Variants in RASA1 observed in about 807,000 individuals in gnomAD.
RASA1 encodes RAS p21 protein activator 1.
A neutral mutation model predicts 132.2 loss-of-function variants in RASA1; 25 were observed. The ratio of observed to expected loss-of-function variants is 0.19; its 90% CI spans 0.14 to 0.26. RASA1 has a LOEUF of 0.26. RASA1 is among the 10% of genes least tolerant of loss of function. The probability of loss-of-function intolerance (pLI) is 1.00; values close to 1 mark genes in which losing one functional copy is unlikely to be tolerated. For missense variants in RASA1, 964 were observed against 1,299.2 expected (o/e 0.74, Z 3.97); for synonymous variants, 477 against 449.9 (o/e 1.06, Z -0.76).
intron 9 of RASA1, among the ~76,000 whole-genome samples, chr5:87,357,521 C>A (rs924339742): frequency 6.6e-6 from 1 of 151,936 alleles, no homozygotes; most frequent in African/African-American, 2.4e-5. Flanking sequence ...CTGGCTAACA[C>A]GGTGAAACCC....
intron 1 of RASA1, among the ~76,000 whole-genome samples, chr5:87,283,115 TCA>T (rs1754390066): frequency 6.7e-6 from 1 of 150,318 alleles, no homozygotes; most frequent in African/African-American, 2.4e-5. Flanking sequence ...CAACATTTCC[TCA>T]CCTATCTAGT....
chr5:87,365,642 T>A (rs1265180518), intron 11 of RASA1, among the ~76,000 whole-genome samples: 1 of 152,076 alleles, frequency 6.6e-6, no homozygotes, highest in Non-Finnish European at 1.5e-5. Context: ...TGTTAATTTT[T>A]CCCACCATAA....
At chr5:87,367,627 A>G (rs1006440103) in intron 11 of RASA1, among the ~76,000 whole-genome samples, 10 of 152,194 alleles carry the variant, frequency 6.6e-5, no homozygotes, top group Admixed American at 1.3e-4. Flanking sequence ...CATTACTTAG[A>G]AAGATGTCTT....
Position 87,383,853 on chromosome 5 carries a change from T to C in RASA1, c.2758+73T>C, listed in dbSNP as rs559548917. The C allele has an allele frequency of 1.7e-5, 22 of 1,273,860 alleles. No homozygotes were observed. The Admixed American group carries it at 3.6e-4, about 21-fold the overall frequency. The allele number at this position is 1,273,860 out of a possible 1,614,324, so 78.9% of individuals were successfully genotyped here. ...AGTTTCATACTATTTAAGAATACTC[T>C]TAAATCTTTTTTTTTTTTTTGATCA... On this transcript the variant is annotated intron_variant, in intron 21 of 24. Transcript: ENST00000274376.
At position 87,374,826 on chromosome 5, in the gene RASA1, C is replaced by G. The variant is rs749192205; in HGVS notation, c.1935-14C>G. 3 of 1,607,672 alleles carry G rather than the reference C, an allele frequency of 1.9e-6. No homozygotes were observed. Among genetic ancestry groups the G allele is most frequent in the Non-Finnish European group, 8.5e-7 (1 of 1,176,620 alleles). ...AAAACATTTTGTTAATTCTTTTTCT[C>G]CTTGCTCCTTTAGTGATCTTCCTCC... On this transcript the variant is annotated splice_polypyrimidine_tract_variant and intron_variant, in intron 14 of 24. Transcript: ENST00000274376.
At position 87,311,137 on chromosome 5, in the gene RASA1, A is replaced by G. The variant is rs535212661; in HGVS notation, c.540-20211A>G. On this transcript the variant is annotated intron_variant, in intron 1 of 24. Coordinates refer to ENST00000274376, the MANE Select transcript of RASA1 (RefSeq NM_002890.3). ...TATTGAGTCGATATCTGAACTAGCC[A>G]CTTCTTTTATGACACATTAGTTTTA... 1.4e-3 allele frequency among the ~76,000 whole-genome samples: 220 copies of G among 152,296 alleles called. 2 individuals are homozygous for G. Among genetic ancestry groups the G allele is most frequent in the African/African-American group, 5.1e-3 (210 of 41,562 alleles).
intron 9 of RASA1, among the ~76,000 whole-genome samples, chr5:87,362,151 A>G (rs940302411): frequency 2.6e-5 from 4 of 152,216 alleles, no homozygotes; most frequent in African/African-American, 7.2e-5. Flanking sequence ...CACAGACACA[A>G]TTGTGCATAG....
intron 18 of RASA1, 99 bp downstream of exon 18, chr5:87,378,637 T>C (rs1310828800): frequency 7.9e-7 from 1 of 1,272,162 alleles, no homozygotes; most frequent in Non-Finnish European, 1.1e-6. Flanking sequence ...ATATTAAATT[T>C]CTAAAATTAT....
chr5:87,323,926 T>C (rs1757018521), intron 1 of RASA1, among the ~76,000 whole-genome samples: 1 of 152,200 alleles, frequency 6.6e-6, no homozygotes, highest in African/African-American at 2.4e-5. Context: ...CTATACCAGA[T>C]TACAGTTGCT....
intron 9 of RASA1, among the ~76,000 whole-genome samples, chr5:87,354,088 A>G (rs1398706088): frequency 6.6e-6 from 1 of 151,992 alleles, no homozygotes; most frequent in African/African-American, 2.4e-5. Flanking sequence ...TCCTCCTAAC[A>G]AATTCATTTC....
chr5:87,349,628 A>C (rs1413319454), intron 8 of RASA1, among the ~76,000 whole-genome samples: 1 of 151,998 alleles, frequency 6.6e-6, no homozygotes, highest in African/African-American at 2.4e-5. Flanking sequence ...CAACAAATTT[A>C]CTAAATCCAT....
At chr5:87,287,060 GTATATACACACCATATATACACACCATA>G (rs1754618924) in intron 1 of RASA1, among the ~76,000 whole-genome samples, 5 of 114,152 alleles carry the variant, frequency 4.4e-5, no homozygotes, top group South Asian at 5.6e-4. Flanking sequence ...TATACCCCAT[GTATATACACACCATATATACACACCATA>G]TATATACACA....
rs141902093 is a variant in RASA1 at position 87,380,428 on chromosome 5, G to A, written c.2604-81G>A. The stretch of plus-strand genomic sequence containing the variant: ...AGTTTTATTGAACTGTGGTATATTT[G>A]GGTAAATTAAGCTTTTGGCTGCTAG... On this transcript the variant is annotated intron_variant, in intron 19 of 24. Transcript: ENST00000274376. The A allele has an allele frequency of 5.7e-4, 702 of 1,232,208 alleles. 4 individuals carry two copies. In the African/African-American group the frequency reaches 9.4e-3, roughly 17 times the overall value. 76.3% of individuals were successfully genotyped at this position (1,232,208 alleles called of 1,614,324 possible).
chr5:87,278,967 G>C, intron 1 of RASA1, among the ~76,000 whole-genome samples: 1 of 144,780 alleles, frequency 6.9e-6, no homozygotes, highest in Non-Finnish European at 1.5e-5. Flanking sequence ...ATGCGGGCTG[G>C]GTGCAATGGC....
intron 1 of RASA1, among the ~76,000 whole-genome samples, chr5:87,272,803 G>T (rs1234952179): frequency 1.3e-5 from 2 of 152,090 alleles, no homozygotes; most frequent in African/African-American, 4.8e-5. Flanking sequence ...CTAGCAGTAG[G>T]TTAAGCAATT....
intron 8 of RASA1, 69 bp downstream of exon 8, chr5:87,349,433 TCA>T (rs1388096431): frequency 2.0e-6 from 3 of 1,532,932 alleles, no homozygotes; most frequent in Non-Finnish European, 2.7e-6. Context: ...AATACAGTAT[TCA>T]GAGTCAAAAT....
At chr5:87,303,812 A>C (rs1755484683) in intron 1 of RASA1, among the ~76,000 whole-genome samples, 1 of 150,758 alleles carries the variant, frequency 6.6e-6, no homozygotes, top group African/African-American at 2.4e-5. Context: ...TTATTACGAA[A>C]TGTCTGTTAT....
At position 87,268,261 on chromosome 5, in the gene RASA1, A is replaced by G; in HGVS notation, c.-191A>G. On this transcript the variant is annotated 5_prime_UTR_variant, in exon 1 of 25. Transcript: ENST00000274376. ...TTGCCCACTTGGCTTCCCGTAACCC[A>G]GGCAGCTGGGGAGCCTGGGCTGTGG... is the stretch of plus-strand genomic sequence containing the variant. The G allele has an allele frequency of 1.2e-6, 1 of 833,438 alleles. No individual in the cohort carries two copies. The highest frequency in any genetic ancestry group is 1.8e-6 in the Non-Finnish European group (1 of 559,634). 51.6% of individuals were successfully genotyped at this position (833,438 alleles called of 1,614,324 possible). A position where few individuals can be genotyped will look rare whatever the true frequency, so the allele number is the denominator to read the frequency against.
rs913909238 is a variant in RASA1, at chr5:87,346,695, A to G, written c.1073A>G (p.Lys358Arg). The change falls in exon 7 of 25, where the codon AAA (lysine) becomes AGA (arginine). Residue 358 changes from lysine to arginine, a missense_variant. Lys to Arg is a conservative substitution (Grantham distance 26, BLOSUM62 2). Around this residue, in one of 6 missense-constraint regions of RASA1, gnomAD observed 154 missense variants for 286.5 expected, o/e 0.54. Coordinates refer to ENST00000274376, the MANE Select transcript of RASA1 (RefSeq NM_002890.3). The stretch of plus-strand genomic sequence containing the variant: ...AGATGGTTCCATGGGAAGATTTCCA[A>G]ACAGGAAGCTTATAATTTACTAATG... ...GKIWFHGKIS[K>R]QEAYNLLMTV... is the part of the protein sequence containing the mutation. The G allele has an allele frequency of 2.6e-6, 4 of 1,553,636 alleles. No homozygotes were observed. The highest frequency in any genetic ancestry group is 2.7e-6 in the Non-Finnish European group (3 of 1,127,428).
Sources: allele counts gnomAD v4.1 joint callset (sites outside exome capture counted in the v4.1 genomes callset), GRCh38; gene constraint gnomAD v4.1.1; regional missense constraint gnomAD v4.1.1; transcripts MANE v1.5; gene names NCBI Gene and HGNC (gene_info 2026-07-23, HGNC 2026-07-21).